The following STOX2 variants were observed in gnomAD, a reference collection of about 807,000 sequenced individuals.
STOX2 encodes the protein storkhead box 2.
Under a neutral mutation model 60.9 loss-of-function variants are expected in STOX2, and 28 were observed. That is an observed-to-expected ratio of 0.46 (90% CI 0.34 to 0.63). The LOEUF is 0.63. STOX2 is among the 30% of genes least tolerant of loss of function. The probability of loss-of-function intolerance (pLI) is 0.01; values close to 1 mark genes in which losing one functional copy is unlikely to be tolerated. For missense variants in STOX2, 1,024 were observed against 1,187.7 expected, an observed-to-expected ratio of 0.86 and a Z score of 2.03; for synonymous variants, 472 against 463.9, an observed-to-expected ratio of 1.02 and a Z score of -0.22.
rs542561025 is a variant in STOX2, at chr4:183,838,522, T to C, written c.364+40467T>C. On this transcript the variant is annotated intron_variant, in intron 1 of 2. Coordinates refer to the STOX2 transcript ENST00000513034. ...ATCTATATAAATCTTTGTTGATAAA[T>C]CTGTTATTTACATAAAAATGAAGCT... Among the ~76,000 whole-genome samples the C allele has an allele frequency of 1.3e-4, 20 of 152,334 alleles. No homozygotes were observed. The Middle Eastern group carries it at 0.017, about 130-fold the overall frequency.
At chr4:183,943,546 A>C (rs576419259) in intron 1 of STOX2, among the ~76,000 whole-genome samples, 1 of 152,226 alleles carries the variant, frequency 6.6e-6, no homozygotes, top group Non-Finnish European at 1.5e-5. Flanking sequence ...TAAATAAAAT[A>C]TAGAGAAATA....
upstream of STOX2, among the ~76,000 whole-genome samples, chr4:183,901,289 C>T (rs1741453229): frequency 6.6e-6 from 1 of 152,136 alleles, no homozygotes; most frequent in East Asian, 1.9e-4. Flanking sequence ...GTATATATTG[C>T]ATTTTGCTTA....
chr4:183,905,963 C>G lies in STOX2; in HGVS notation c.-828C>G, dbSNP rs1741582945. On this transcript the variant is annotated 5_prime_UTR_variant, in exon 1 of 4. Transcript: ENST00000308497. ...CGGCGCACCCACCCAGCCATCCACC[C>G]GCGCGCACGCACAGCGCCCGGAGCC... 1 of 152,240 alleles carries G rather than the reference C, an allele frequency of 6.6e-6. No homozygotes were observed. The highest frequency in any genetic ancestry group is 1.5e-5 in the Non-Finnish European group (1 of 68,100). 9.4% of individuals were successfully genotyped at this position (152,240 alleles called of 1,614,324 possible). A position where few individuals can be genotyped will look rare whatever the true frequency, so the allele number is the denominator to read the frequency against.
intron 2 of STOX2, among the ~76,000 whole-genome samples, chr4:184,008,083 A>G (rs1369823892): frequency 6.6e-6 from 1 of 152,104 alleles, no homozygotes; most frequent in African/African-American, 2.4e-5. Context: ...GTTTGGTTGA[A>G]CCACATGCAA....
intron 1 of STOX2, among the ~76,000 whole-genome samples, chr4:183,868,184 A>T (rs1389392158): frequency 1.3e-5 from 2 of 152,128 alleles, no homozygotes; most frequent in African/African-American, 2.4e-5. Context: ...AGTGGATCAT[A>T]GAAACTACTT....
rs187626378 is a variant in STOX2 at position 183,957,783 on chromosome 4, C to T, written c.167-43542C>T. Among the ~76,000 whole-genome samples the T allele has an allele frequency of 2.4e-3, 359 of 152,292 alleles. 5 individuals are homozygous for T. The highest frequency in any genetic ancestry group is 3.1e-3 in the East Asian group (16 of 5,188). On this transcript the variant is annotated intron_variant, in intron 1 of 3. Transcript: ENST00000308497. ...ATGATCAATTATTTCTCTAAGGCAC[C>T]GTGGTTTCCTTCAGGGCGGATGGTA...
chr4:184,022,465 A>G lies in STOX2; in HGVS notation c.*5181A>G, dbSNP rs995630388. On this transcript the variant is annotated 3_prime_UTR_variant, in exon 4 of 4. Transcript: ENST00000308497. Reference sequence around the variant, plus strand: ...TCTACAAGACTCAAGGGGGAACTAAACTTTCTTACGATTGTACATGATCAG... The same window carrying G: ...TCTACAAGACTCAAGGGGGAACTAAGCTTTCTTACGATTGTACATGATCAG... 3.3e-5 allele frequency: 5 copies of G among 152,124 alleles called. No individual in the cohort carries two copies. Among genetic ancestry groups the G allele is most frequent in the Non-Finnish European group, 7.3e-5 (5 of 68,034 alleles). 9.4% of individuals were successfully genotyped at this position (152,124 alleles called of 1,614,324 possible).
chr4:183,979,166 G>A (rs1458343990), intron 1 of STOX2, among the ~76,000 whole-genome samples: 1 of 152,168 alleles, frequency 6.6e-6, no homozygotes, highest in African/African-American at 2.4e-5. Context: ...TACAGTCATG[G>A]CAGAAGGCAA....
Position 183,921,956 on chromosome 4 carries a change from A to G in STOX2, c.166+15000A>G, listed in dbSNP as rs140374743. Among the ~76,000 whole-genome samples, 843 of 152,302 alleles carry G rather than the reference A, an allele frequency of 5.5e-3. 6 individuals carry two copies. Among genetic ancestry groups the G allele is most frequent in the African/African-American group, 0.019 (770 of 41,564 alleles). ...TTTTAACTTTAGAATCAATACACCA[A>G]ACGATAAACTCGTAAAATGAAAAAG... is the stretch of plus-strand genomic sequence containing the variant. On this transcript the variant is annotated intron_variant, in intron 1 of 3. Coordinates refer to ENST00000308497, the MANE Select transcript of STOX2 (RefSeq NM_020225.3).
At chr4:183,939,769 TCTTAA>T (rs1409008186) in intron 1 of STOX2, among the ~76,000 whole-genome samples, 19 of 152,144 alleles carry the variant, frequency 1.2e-4, no homozygotes, top group Non-Finnish European at 1.5e-5. Context: ...GGGATGTGCT[TCTTAA>T]CTTCTCCGCG....
rs1380565876 is a variant in STOX2 at position 184,020,294 on chromosome 4, TCTC to T, written c.*3014_*3016del. ...TTGGCTTTCAGATGTAATCCTGTCT[TCTC>T]CTCTCTTCCCCACGAAAGCGCACTC... is the stretch of plus-strand genomic sequence containing the variant. On this transcript the variant is annotated 3_prime_UTR_variant, in exon 4 of 4. Coordinates refer to ENST00000308497, the MANE Select transcript of STOX2 (RefSeq NM_020225.3). The T allele has an allele frequency of 6.6e-6, 1 of 152,158 alleles. No homozygotes were observed. The highest frequency in any genetic ancestry group is 2.4e-5 in the African/African-American group (1 of 41,424). The allele number at this position is 152,158 out of a possible 1,614,324, so 9.4% of individuals were successfully genotyped here. A position where few individuals can be genotyped will look rare whatever the true frequency, so the allele number is the denominator to read the frequency against.
intron 1 of STOX2, among the ~76,000 whole-genome samples, chr4:183,857,346 G>A (rs1244951485): frequency 1.2e-5 from 1 of 85,480 alleles, no homozygotes; most frequent in Non-Finnish European, 2.6e-5. Flanking sequence ...AGGACTGGTT[G>A]CCTCGTAGGA....
At chr4:183,855,232 T>C (rs758322053) in intron 1 of STOX2, among the ~76,000 whole-genome samples, 6 of 152,236 alleles carry the variant, frequency 3.9e-5, no homozygotes, top group Non-Finnish European at 7.3e-5. Flanking sequence ...AGTGTTCACT[T>C]TGAAATTTAA....
At chr4:183,946,237 G>A (rs989376915) in intron 1 of STOX2, among the ~76,000 whole-genome samples, 3 of 152,186 alleles carry the variant, frequency 2.0e-5, no homozygotes, top group African/African-American at 4.8e-5. Flanking sequence ...CATTTCAAGC[G>A]TTTATTTGCT....
At chr4:183,819,578 G>A (rs1739257137) in intron 1 of STOX2, among the ~76,000 whole-genome samples, 1 of 133,734 alleles carries the variant, frequency 7.5e-6, no homozygotes. Flanking sequence ...GAGAGGGGGA[G>A]GGGGAGGGAG....
intron 1 of STOX2, among the ~76,000 whole-genome samples, chr4:183,927,239 C>T (rs933730364): frequency 2.0e-5 from 3 of 152,112 alleles, no homozygotes; most frequent in African/African-American, 7.2e-5. Flanking sequence ...AGGCTCTGCA[C>T]GGAACCAGCT....
chr4:183,823,679 C>G (rs4078180), intron 1 of STOX2, among the ~76,000 whole-genome samples: 25,263 of 152,132 alleles, frequency 0.17, 2,313 homozygotes, highest in African/African-American at 0.23. Flanking sequence ...CCGAGAGACA[C>G]CAGTGCCTAA....
intron 1 of STOX2, among the ~76,000 whole-genome samples, chr4:183,949,514 A>G (rs905227934): frequency 3.3e-5 from 5 of 152,104 alleles, no homozygotes; most frequent in Non-Finnish European, 7.3e-5. Flanking sequence ...CCTGGCCAAC[A>G]TGATGAAACC....
rs1437548093 is a variant in STOX2 at position 184,019,387 on chromosome 4, A to C, written c.*2103A>C. 15 of 152,214 alleles carry C rather than the reference A, an allele frequency of 9.9e-5. No homozygotes were observed. The highest frequency in any genetic ancestry group is 9.8e-4 in the Admixed American group (15 of 15,274). The allele number at this position is 152,214 out of a possible 1,614,324, so 9.4% of individuals were successfully genotyped here. A position where few individuals can be genotyped will look rare whatever the true frequency, so the allele number is the denominator to read the frequency against. ...GGGAGTTATATATCATACAGTTACT[A>C]AATATTTGTCTAAATTCATTTTTTC... is the stretch of plus-strand genomic sequence containing the variant. On this transcript the variant is annotated 3_prime_UTR_variant, in exon 4 of 4. Coordinates refer to ENST00000308497, the MANE Select transcript of STOX2 (RefSeq NM_020225.3).
Sources: gnomAD v4.1 joint callset for allele counts (sites outside exome capture counted in the v4.1 genomes callset) on GRCh38, gnomAD v4.1.1 for gene constraint, MANE v1.5 for transcripts, NCBI Gene and HGNC (gene_info 2026-07-23, HGNC 2026-07-21) for gene names.